OSBPL1A: variants seen among roughly 807,000 people sequenced by gnomAD.
The protein encoded by OSBPL1A is oxysterol binding protein like 1A.
Under a neutral mutation model 137.1 loss-of-function variants are expected in OSBPL1A, and 80 were observed. That is an observed-to-expected ratio of 0.58 (90% CI 0.49 to 0.70). The LOEUF (loss-of-function observed/expected upper bound fraction) is 0.70. Ranked by LOEUF, OSBPL1A falls within the 30% of genes least tolerant of loss-of-function variation. The pLI, the probability that OSBPL1A is intolerant of heterozygous loss-of-function variation, is 0.00. For synonymous variants in OSBPL1A, 365 were observed against 389.7 expected (o/e 0.94, Z 0.75); for missense variants, 970 against 1,129.4 (o/e 0.86, Z 2.02).
At chr18:24,304,843 T>C (rs1193739066) in intron 13 of OSBPL1A, among the ~76,000 whole-genome samples, 1 of 152,240 alleles carries the variant, frequency 6.6e-6, no homozygotes, top group Non-Finnish European at 1.5e-5. Flanking sequence ...CTTCAAAATT[T>C]GTATTACTCT....
At chr18:24,289,732 A>G (rs1379691422) in intron 14 of OSBPL1A, among the ~76,000 whole-genome samples, 4 of 152,014 alleles carry the variant, frequency 2.6e-5, no homozygotes, top group African/African-American at 4.8e-5. Context: ...TTATTGGTTA[A>G]GAACACACCC....
intron 18 of OSBPL1A, among the ~76,000 whole-genome samples, chr18:24,189,357 G>C (rs2086828776): frequency 6.6e-6 from 1 of 152,216 alleles, no homozygotes; most frequent in South Asian, 2.1e-4. Context: ...CAAGTGCTAG[G>C]CTAGGTGTGT....
chr18:24,397,091 T>C (rs1907797755), intron 1 of OSBPL1A, among the ~76,000 whole-genome samples: 1 of 152,218 alleles, frequency 6.6e-6, no homozygotes, highest in Admixed American at 6.5e-5. Flanking sequence ...CCCTTTTCAA[T>C]GCCTCCTGCC....
At position 24,195,909 on chromosome 18, in the gene OSBPL1A, T is replaced by C; in HGVS notation, c.1677+216A>G. The C allele has an allele frequency of 2.3e-5, 11 of 471,106 alleles. No homozygotes were observed. The East Asian group carries it at 2.9e-4, about 12-fold the overall frequency. 29.2% of individuals were successfully genotyped at this position (471,106 alleles called of 1,614,324 possible). On this transcript the variant is annotated intron_variant, in intron 18 of 27. Coordinates refer to ENST00000319481, the MANE Select transcript of OSBPL1A (RefSeq NM_080597.4). Reference sequence around the variant, plus strand: ...CACGGCATTTTCAGTTTCTGTTTGTTTTTTTTTTTACATCAAAAATGCACA... The same window carrying C: ...CACGGCATTTTCAGTTTCTGTTTGTCTTTTTTTTTACATCAAAAATGCACA...
chr18:24,184,495 C>T (rs72883239), intron 18 of OSBPL1A, among the ~76,000 whole-genome samples: 393 of 152,218 alleles, frequency 2.6e-3, no homozygotes, highest in Non-Finnish European at 4.3e-3. Flanking sequence ...ATTTTAAGGC[C>T]CAGTTCAAGT....
At chr18:24,311,651 G>T (rs1440960310) in intron 13 of OSBPL1A, 1 of 344,738 alleles carries the variant, frequency 2.9e-6, no homozygotes, top group Non-Finnish European at 4.4e-6. Flanking sequence ...GTCATAAAGG[G>T]CATCAAGTCA....
chr18:24,165,149 G>C lies in OSBPL1A; in HGVS notation c.2666C>G (p.Ala889Gly), dbSNP rs1411153289. 1.3e-6 allele frequency: 2 copies of C among 1,583,270 alleles called. No individual in the cohort carries two copies. Among genetic ancestry groups the C allele is most frequent in the Non-Finnish European group, 1.7e-6 (2 of 1,156,262 alleles). ...RAMENGEIDQ[A>G]SEEKKRLEEK... ...CTCAAGTCGTTTTTTTTCTTCACTA[G>C]CTTGATCTAAAATAAGAACATCAAC... The change falls in exon 27 of 28, where the codon GCT (alanine) becomes GGT (glycine). Residue 889 changes from alanine to glycine, a missense_variant. By Grantham distance (60) the Ala-to-Gly change is moderately conservative (BLOSUM62 0). Coordinates refer to ENST00000319481, the MANE Select transcript of OSBPL1A (RefSeq NM_080597.4).
At chr18:24,207,162 C>T (rs1367295306) in intron 17 of OSBPL1A, among the ~76,000 whole-genome samples, 1 of 152,350 alleles carries the variant, frequency 6.6e-6, no homozygotes, top group East Asian at 1.9e-4. Flanking sequence ...TGGCTCATGG[C>T]AACCTCCGCC....
chr18:24,300,221 G>A (rs541942696), intron 14 of OSBPL1A, among the ~76,000 whole-genome samples: 2 of 152,250 alleles, frequency 1.3e-5, no homozygotes, highest in East Asian at 3.9e-4. Context: ...AAAATAAAAG[G>A]TATATTTCAA....
chr18:24,189,475 C>T (rs1241518594), intron 18 of OSBPL1A, among the ~76,000 whole-genome samples: 1 of 152,132 alleles, frequency 6.6e-6, no homozygotes, highest in Non-Finnish European at 1.5e-5. Context: ...CGGGGGCTGG[C>T]GGCAGTCAGC....
intron 15 of OSBPL1A, among the ~76,000 whole-genome samples, chr18:24,254,817 T>C (rs944696099): frequency 6.6e-6 from 1 of 151,340 alleles, no homozygotes; most frequent in Admixed American, 6.6e-5. Context: ...AAATAATAAA[T>C]CAGTAGAATA....
chr18:24,309,568 T>C (rs1166050695), intron 13 of OSBPL1A, among the ~76,000 whole-genome samples: 4 of 152,220 alleles, frequency 2.6e-5, no homozygotes, highest in Non-Finnish European at 5.9e-5. Flanking sequence ...CCTTAGAATG[T>C]CTATAGGTAT....
chr18:24,194,053 T>G (rs763506268), intron 18 of OSBPL1A, among the ~76,000 whole-genome samples: 2 of 152,184 alleles, frequency 1.3e-5, no homozygotes, highest in Admixed American at 6.5e-5. Context: ...GTCACCTTCA[T>G]GAACAAATTC....
At chr18:24,252,168 T>A (rs1313869407) in intron 15 of OSBPL1A, among the ~76,000 whole-genome samples, 1 of 152,024 alleles carries the variant, frequency 6.6e-6, no homozygotes, top group East Asian at 1.9e-4. Context: ...ATGGATAATA[T>A]CAGAGAACTT....
intron 17 of OSBPL1A, among the ~76,000 whole-genome samples, chr18:24,196,931 A>G (rs1178655352): frequency 6.6e-6 from 1 of 152,220 alleles, no homozygotes; most frequent in Non-Finnish European, 1.5e-5. Flanking sequence ...GCAGCACATC[A>G]GAGTCAGGCC....
intron 18 of OSBPL1A, among the ~76,000 whole-genome samples, chr18:24,181,967 T>C (rs1466979235): frequency 6.6e-6 from 1 of 152,250 alleles, no homozygotes; most frequent in African/African-American, 2.4e-5. Context: ...ATATATGTGT[T>C]AAAACTTCAA....
intron 10 of OSBPL1A, 41 bp from the exon 11 acceptor site, chr18:24,317,253 A>G (rs1307958363): frequency 1.9e-6 from 3 of 1,610,942 alleles, no homozygotes; most frequent in Non-Finnish European, 1.7e-6. Flanking sequence ...AAAGGAAAAG[A>G]GACAAGTGAA....
chr18:24,387,943 C>T (rs1907052092), intron 1 of OSBPL1A, among the ~76,000 whole-genome samples: 1 of 152,072 alleles, frequency 6.6e-6, no homozygotes, highest in African/African-American at 2.4e-5. Flanking sequence ...TCTAATACCA[C>T]ACAAGGGGAT....
In OSBPL1A at chr18:24,358,427, C is replaced by T; in HGVS notation, c.282+8465G>A. The T allele has an allele frequency of 1.1e-5, 8 of 701,288 alleles. No homozygotes were observed. The South Asian group carries it at 1.2e-4, about 10-fold the overall frequency. The allele number at this position is 701,288 out of a possible 1,614,324, so 43.4% of individuals were successfully genotyped here. On this transcript the variant is annotated intron_variant, in intron 4 of 27. Coordinates refer to ENST00000319481, the MANE Select transcript of OSBPL1A (RefSeq NM_080597.4). Reference sequence around the variant, plus strand: ...TGTCCACTCCTGTCCACTTCTTCCCCACCCTCGTGCACAGGTGTGATGCCA... The same window carrying T: ...TGTCCACTCCTGTCCACTTCTTCCCTACCCTCGTGCACAGGTGTGATGCCA...
Sources: gnomAD v4.1 joint callset for allele counts (sites outside exome capture counted in the v4.1 genomes callset) on GRCh38, gnomAD v4.1.1 for gene constraint, MANE v1.5 for transcripts, NCBI Gene and HGNC (gene_info 2026-07-23, HGNC 2026-07-21) for gene names.